Variants in EXOC6B observed in about 807,000 individuals in gnomAD.
EXOC6B encodes exocyst complex component 6B, also known as SEC15 homolog B.
In EXOC6B, 54 loss-of-function variants were observed where a neutral mutation model predicts 113.5. The observed-to-expected ratio is 0.48, with a 90% CI of 0.38 to 0.60. The LOEUF (loss-of-function observed/expected upper bound fraction) is 0.60, where lower values mean the gene tolerates loss of function less well. Among genes scored for constraint, EXOC6B ranks in the 20% least tolerant of loss-of-function variants. EXOC6B has a pLI of 0.00. For missense variants in EXOC6B, 797 were observed against 977.5 expected, an observed-to-expected ratio of 0.82 and a Z score of 2.46; for synonymous variants, 357 against 339.0, an observed-to-expected ratio of 1.05 and a Z score of -0.58.
chr2:72,201,969 G>T (rs1679520465), intron 20 of EXOC6B, among the ~76,000 whole-genome samples: 1 of 152,142 alleles, frequency 6.6e-6, no homozygotes, highest in African/African-American at 2.4e-5. Flanking sequence ...TCCTTGTTGT[G>T]GGAAAGCTTG....
At chr2:72,681,484 A>C (rs1034483592) in intron 6 of EXOC6B, among the ~76,000 whole-genome samples, 5 of 152,224 alleles carry the variant, frequency 3.3e-5, no homozygotes, top group Non-Finnish European at 7.3e-5. Flanking sequence ...TGATATAATA[A>C]GGGCTTTCAA....
At chr2:72,820,285 G>A (rs1326173392) in intron 1 of EXOC6B, among the ~76,000 whole-genome samples, 4 of 152,034 alleles carry the variant, frequency 2.6e-5, no homozygotes, top group Admixed American at 2.6e-4. Context: ...AGTTCTAGAA[G>A]GAAAAGCACC....
At chr2:72,563,490 C>T (rs1344520432) in intron 7 of EXOC6B, among the ~76,000 whole-genome samples, 2 of 151,848 alleles carry the variant, frequency 1.3e-5, no homozygotes, top group Non-Finnish European at 2.9e-5. Context: ...AATATGGCAC[C>T]TAACACATGG....
At chr2:72,274,710 G>C (rs942932316) in intron 20 of EXOC6B, among the ~76,000 whole-genome samples, 2 of 152,094 alleles carry the variant, frequency 1.3e-5, no homozygotes, top group African/African-American at 2.4e-5. Flanking sequence ...CCAATCTCAT[G>C]AATAGTGTAA....
At chr2:72,560,373 A>G (rs1703824971) in intron 7 of EXOC6B, among the ~76,000 whole-genome samples, 1 of 152,192 alleles carries the variant, frequency 6.6e-6, no homozygotes, top group Non-Finnish European at 1.5e-5. Context: ...AAAAAATTAC[A>G]TAAAGAAACA....
At chr2:72,636,236 T>C (rs61688458) in intron 6 of EXOC6B, among the ~76,000 whole-genome samples, 3,557 of 115,858 alleles carry the variant, frequency 0.031, 133 homozygotes, top group African/African-American at 0.1. Context: ...CTTTTAAAAA[T>C]AAAGAAGACA....
chr2:72,610,842 G>A (rs1057057960), intron 6 of EXOC6B, among the ~76,000 whole-genome samples: 1 of 152,076 alleles, frequency 6.6e-6, no homozygotes, highest in Non-Finnish European at 1.5e-5. Flanking sequence ...AGCCAAAAAC[G>A]GAAAACTCCG....
Position 72,756,068 on chromosome 2 carries a change from T to C in EXOC6B, c.114-14599A>G, listed in dbSNP as rs142473720. On this transcript the variant is annotated intron_variant, in intron 1 of 21. Transcript: ENST00000272427. ...AACATTTTGTTGGCAAAATCTTTTT[T>C]TAAGGGGGACGTTTTTAACTGTGTT... 4.4e-3 allele frequency among the ~76,000 whole-genome samples: 675 copies of C among 152,262 alleles called. 6 individuals are homozygous for C. Among genetic ancestry groups the C allele is most frequent in the African/African-American group, 0.014 (600 of 41,542 alleles).
At chr2:72,728,292 A>G (rs1680425808) in intron 5 of EXOC6B, among the ~76,000 whole-genome samples, 1 of 152,180 alleles carries the variant, frequency 6.6e-6, no homozygotes, top group African/African-American at 2.4e-5. Context: ...AAATGATCCC[A>G]GCCAGACCTA....
intron 18 of EXOC6B, among the ~76,000 whole-genome samples, chr2:72,396,157 G>T (rs970528504): frequency 5.9e-5 from 9 of 152,004 alleles, no homozygotes; most frequent in African/African-American, 2.2e-4. Context: ...AGTTTGAGAG[G>T]ATACTCTTAA....
At chr2:72,662,751 T>A (rs75474107) in intron 6 of EXOC6B, among the ~76,000 whole-genome samples, 2,845 of 152,270 alleles carry the variant, frequency 0.019, 82 homozygotes, top group African/African-American at 0.064. Context: ...TTTAGCCTTT[T>A]TTTTTTTGAG....
rs566201894 is a variant in EXOC6B, at chr2:72,278,050, C to T, written c.2196+56897G>A. Among the ~76,000 whole-genome samples the T allele has an allele frequency of 2.6e-5, 4 of 152,228 alleles. No homozygotes were observed. In the South Asian group the frequency reaches 8.3e-4, roughly 32 times the overall value. On this transcript the variant is annotated intron_variant, in intron 20 of 21. Transcript: ENST00000272427. ...CTGTTTATACGTTCTTCTCATAAGT[C>T]ACAGCCCATACTAAGCATTCAAAAA...
At chr2:72,451,736 T>A (rs997473014) in intron 18 of EXOC6B, among the ~76,000 whole-genome samples, 1 of 150,218 alleles carries the variant, frequency 6.7e-6, no homozygotes, top group Non-Finnish European at 1.5e-5. Flanking sequence ...AGGAAGAGAG[T>A]GGACTTCATC....
At chr2:72,353,714 TA>T (rs199776500) in intron 19 of EXOC6B, among the ~76,000 whole-genome samples, 35 of 146,016 alleles carry the variant, frequency 2.4e-4, no homozygotes, top group Admixed American at 6.8e-4. Context: ...AAATTTCTAG[TA>T]AAAAAAAAAC....
At chr2:72,511,840 CT>C (rs1425589407) in intron 11 of EXOC6B, among the ~76,000 whole-genome samples, 1 of 152,118 alleles carries the variant, frequency 6.6e-6, no homozygotes, top group African/African-American at 2.4e-5. Context: ...AGTATTTACT[CT>C]GTCTGGAACA....
In EXOC6B at chr2:72,729,556, T is replaced by C. The variant is rs138826084; in HGVS notation, c.464+1451A>G. Among the ~76,000 whole-genome samples, 181 of 152,070 alleles carry C rather than the reference T, an allele frequency of 1.2e-3. 4 individuals carry two copies. In the East Asian group the frequency reaches 0.032, roughly 27 times the overall value. ...CTCATGCCTTGGCCTCCCAAGTACC[T>C]GGGATTACAGGTGTGTACCACCATG... On this transcript the variant is annotated intron_variant, in intron 5 of 21. Coordinates refer to ENST00000272427, the MANE Select transcript of EXOC6B (RefSeq NM_015189.3).
chr2:72,736,426 T>C (rs1177545331), intron 2 of EXOC6B, among the ~76,000 whole-genome samples: 2 of 152,162 alleles, frequency 1.3e-5, no homozygotes. Flanking sequence ...TTTTCATTCA[T>C]TGAACCTAGG....
chr2:72,751,396 G>T (rs147910107), intron 1 of EXOC6B, among the ~76,000 whole-genome samples: 1,885 of 152,078 alleles, frequency 0.012, 68 homozygotes, highest in Non-Finnish European at 9.4e-3. Context: ...GGAATGTCTG[G>T]GTTACAATAA....
intron 18 of EXOC6B, among the ~76,000 whole-genome samples, chr2:72,380,613 G>A (rs939725952): frequency 3.3e-5 from 5 of 151,906 alleles, no homozygotes; most frequent in Non-Finnish European, 7.4e-5. Flanking sequence ...CAGCCTGGGG[G>A]ACAGAGAGAG....
Sources: allele counts gnomAD v4.1 joint callset (sites outside exome capture counted in the v4.1 genomes callset), GRCh38; gene constraint gnomAD v4.1.1; transcripts MANE v1.5; gene names NCBI Gene and HGNC (gene_info 2026-07-23, HGNC 2026-07-21).